The following BMP7 variants were observed in gnomAD, a reference collection of about 807,000 sequenced individuals.
BMP7 encodes the protein osteogenic protein 1.
BMP7 carries 12 observed loss-of-function variants against 41.2 expected under a neutral mutation model. That is an observed-to-expected ratio of 0.29 (90% confidence interval 0.19 to 0.47). The LOEUF (loss-of-function observed/expected upper bound fraction) is 0.47. BMP7 is among the 20% of genes least tolerant of loss of function. The pLI is 0.99. For missense variants in BMP7, 467 were observed against 606.0 expected (o/e 0.77, Z 2.41); for synonymous variants, 248 against 250.0 (o/e 0.99, Z 0.07).
At chr20:57,254,235 C>T (rs534105895) in intron 1 of BMP7, among the ~76,000 whole-genome samples, 1 of 152,098 alleles carries the variant, frequency 6.6e-6, no homozygotes, top group South Asian at 2.1e-4. Context: ...GTTGGCCAGG[C>T]TGGTCTCGAA....
chr20:57,191,899 T>C (rs1984368209), intron 3 of BMP7, among the ~76,000 whole-genome samples: 1 of 134,828 alleles, frequency 7.4e-6, no homozygotes, highest in Admixed American at 8.0e-5. Flanking sequence ...ATAGTATAGA[T>C]AGTATACATA....
rs767658995 is a variant in BMP7 at position 57,228,479 on chromosome 20, C to T, written c.419-58G>A. ...ACAGCTCATTAGTGTCTGGGTTTCA[C>T]TCTCTGGCTCTGAGTCCAAGCATCT... On this transcript the variant is annotated intron_variant, in intron 1 of 6. Transcript: ENST00000395863. The surrounding 1 kb of genome is among the most constrained non-coding windows in gnomAD (Gnocchi z 4.5). 57 of 1,587,914 alleles carry T rather than the reference C, an allele frequency of 3.6e-5. No homozygotes were observed. The highest frequency in any genetic ancestry group is 4.3e-5 in the Non-Finnish European group (50 of 1,156,506).
At chr20:57,247,600 G>A (rs1031896190) in intron 1 of BMP7, among the ~76,000 whole-genome samples, 3 of 152,132 alleles carry the variant, frequency 2.0e-5, no homozygotes, top group Admixed American at 1.3e-4. Flanking sequence ...AGGCATATAG[G>A]TGCCCAGAAC....
intron 3 of BMP7, among the ~76,000 whole-genome samples, chr20:57,199,309 C>G (rs571455309): frequency 6.6e-6 from 1 of 152,198 alleles, no homozygotes; most frequent in African/African-American, 2.4e-5. Flanking sequence ...CTGCCCTAGG[C>G]ACCGTGCACG....
intron 2 of BMP7, among the ~76,000 whole-genome samples, chr20:57,206,407 G>T (rs1984732792): frequency 6.6e-6 from 1 of 152,188 alleles, no homozygotes; most frequent in Non-Finnish European, 1.5e-5. Context: ...GAAGCCAGTT[G>T]TCTCCAGGGA....
chr20:57,228,835 T>A lies in BMP7; in HGVS notation c.419-414A>T, dbSNP rs1326002807. On this transcript the variant is annotated intron_variant, in intron 1 of 6. Transcript: ENST00000395863. This position sits in a 1 kb window ranked among gnomAD's most constrained non-coding sequence, Gnocchi z 4.5. ...AATTTCATCATCTAAAAAATGGGGA[T>A]TGTAATCCTCCTTCATGGGTTATGG... 6.6e-6 allele frequency among the ~76,000 whole-genome samples: 1 copy of A among 152,212 alleles called. No individual in the cohort carries two copies.
intron 1 of BMP7, among the ~76,000 whole-genome samples, chr20:57,235,769 G>GA (rs2066045270): frequency 6.6e-6 from 1 of 152,314 alleles, no homozygotes; most frequent in African/African-American, 2.4e-5. Flanking sequence ...TCCTCATTGG[G>GA]AAAATGCTTG....
At chr20:57,231,937 T>G (rs1283503068) in intron 1 of BMP7, among the ~76,000 whole-genome samples, 1 of 152,220 alleles carries the variant, frequency 6.6e-6, no homozygotes, top group Non-Finnish European at 1.5e-5. Flanking sequence ...GCTAACTCTG[T>G]GAGTCCTGCA....
At chr20:57,255,904 G>A (rs569655454) in intron 1 of BMP7, among the ~76,000 whole-genome samples, 8 of 151,844 alleles carry the variant, frequency 5.3e-5, no homozygotes, top group South Asian at 2.1e-4. Flanking sequence ...ATTTCATGGC[G>A]AAGTGATAAC....
chr20:57,245,272 T>C (rs1325566092), intron 1 of BMP7, among the ~76,000 whole-genome samples: 2 of 152,014 alleles, frequency 1.3e-5, no homozygotes, highest in East Asian at 1.9e-4. Context: ...AATTGCATGG[T>C]TGTCCTTTAA....
intron 3 of BMP7, among the ~76,000 whole-genome samples, chr20:57,193,816 G>A (rs1414213993): frequency 1.3e-5 from 2 of 152,178 alleles, no homozygotes; most frequent in African/African-American, 2.4e-5. Context: ...CCCTTTGCAC[G>A]CTGTAGGCGC....
At chr20:57,239,318 A>G (rs1337118128) in intron 1 of BMP7, among the ~76,000 whole-genome samples, 2 of 152,208 alleles carry the variant, frequency 1.3e-5, no homozygotes, top group Non-Finnish European at 2.9e-5. Context: ...TAAAGCTCCA[A>G]AATGATCTCC....
At chr20:57,248,451 T>C (rs1221853723) in intron 1 of BMP7, among the ~76,000 whole-genome samples, 1 of 152,180 alleles carries the variant, frequency 6.6e-6, no homozygotes, top group Non-Finnish European at 1.5e-5. Context: ...TCCAAGGAAC[T>C]TCTAGGAAAC....
chr20:57,175,466 C>A (rs940182292), intron 4 of BMP7, among the ~76,000 whole-genome samples: 1 of 152,248 alleles, frequency 6.6e-6, no homozygotes, highest in East Asian at 1.9e-4. Context: ...CAAGAGGATG[C>A]GGGACAGGGC....
At position 57,219,061 on chromosome 20, in the gene BMP7, G is replaced by A. The variant is rs1486566182; in HGVS notation, c.611+9168C>T. Reference sequence around the variant, plus strand: ...TGGCGTTCGGTGGTAGCTGGCATTTGTTTGGTGGTAGCTGGCGTTTGTTCA... The same window carrying A: ...TGGCGTTCGGTGGTAGCTGGCATTTATTTGGTGGTAGCTGGCGTTTGTTCA... On this transcript the variant is annotated intron_variant, in intron 2 of 6. Coordinates refer to ENST00000395863, the MANE Select transcript of BMP7 (RefSeq NM_001719.3). Among the ~76,000 whole-genome samples, 4 of 125,296 alleles carry A rather than the reference G, an allele frequency of 3.2e-5. 1 individual carries two copies. The highest frequency in any genetic ancestry group is 2.4e-4 in the African/African-American group (4 of 16,914). 82.2% of individuals were successfully genotyped at this position (125,296 alleles called of 152,430 possible). A position where few individuals can be genotyped will look rare whatever the true frequency, so the allele number is the denominator to read the frequency against.
chr20:57,193,357 G>A (rs953172470), intron 3 of BMP7, among the ~76,000 whole-genome samples: 4 of 152,186 alleles, frequency 2.6e-5, no homozygotes, highest in African/African-American at 9.7e-5. Flanking sequence ...TACTGGCATT[G>A]AGTGGGTGGA....
At chr20:57,203,287 T>C (rs1313635808) in intron 2 of BMP7, among the ~76,000 whole-genome samples, 3 of 152,178 alleles carry the variant, frequency 2.0e-5, no homozygotes, top group Non-Finnish European at 4.4e-5. Flanking sequence ...TCATTCTCTC[T>C]TCCTTACTTT....
intron 2 of BMP7, among the ~76,000 whole-genome samples, chr20:57,208,468 T>C (rs1400128091): frequency 1.3e-5 from 2 of 152,148 alleles, no homozygotes; most frequent in Non-Finnish European, 2.9e-5. Flanking sequence ...GTAGAGAAAG[T>C]GGAACTCTCA....
chr20:57,235,085 G>A (rs974995526), intron 1 of BMP7, among the ~76,000 whole-genome samples: 2 of 152,146 alleles, frequency 1.3e-5, no homozygotes, highest in Non-Finnish European at 2.9e-5. Context: ...CCAATACCAC[G>A]GACTGGCTCT....
Sources: allele counts gnomAD v4.1 joint callset (sites outside exome capture counted in the v4.1 genomes callset), GRCh38; gene constraint gnomAD v4.1.1; non-coding constraint Gnocchi (gnomAD v3.1); transcripts MANE v1.5; gene names NCBI Gene and HGNC (gene_info 2026-07-23, HGNC 2026-07-21).